MAPKAPK5: variants seen among roughly 807,000 people sequenced by gnomAD.
The protein encoded by MAPKAPK5 is MAPK activated protein kinase 5, also known as MAP kinase-activated protein kinase 5.
In MAPKAPK5, 30 loss-of-function variants were observed where a neutral mutation model predicts 65.1. The observed-to-expected ratio is 0.46, with a 90% CI of 0.34 to 0.63. MAPKAPK5 has a LOEUF of 0.63. Ranked by LOEUF, MAPKAPK5 falls within the 20% of genes least tolerant of loss-of-function variation. The probability of loss-of-function intolerance (pLI) is 0.01; values close to 1 mark genes in which losing one functional copy is unlikely to be tolerated. For missense variants in MAPKAPK5, 433 were observed against 581.4 expected, an observed-to-expected ratio of 0.74 and a Z score of 2.63; for synonymous variants, 179 against 204.6, an observed-to-expected ratio of 0.87 and a Z score of 1.07.
chr12:111,887,844 C>CACACAT (rs2070460845), intron 10 of MAPKAPK5: 1 of 146,398 alleles, frequency 6.8e-6, no homozygotes, highest in African/African-American at 2.5e-5. Context: ...CACACACACA[C>CACACAT]ACACACACAC....
chr12:111,858,647 A>G (rs12423484), intron 1 of MAPKAPK5, among the ~76,000 whole-genome samples: 5,967 of 133,314 alleles, frequency 0.045, 247 homozygotes, highest in East Asian at 0.13. Flanking sequence ...GGGTTCAAGC[A>G]ATTCTCCTGC....
rs80319832 is a variant in MAPKAPK5 at position 111,888,519 on chromosome 12, C to T, written c.1001C>T (p.Ala334Val). ...AVVAGIQQAH[A>V]EQLANMRIQD... ...GTTGCAGGAATCCAGCAGGCTCACG[C>T]GGAACAGTTGGCCAACATGAGAATC... The change falls in exon 11 of 14, where the codon GCG becomes GTG. Residue 334 changes from alanine (A) to valine (V), a missense_variant. Physicochemically the swap from Ala to Val is moderately conservative, Grantham distance 64 (BLOSUM62 0). Coordinates refer to ENST00000550735, the MANE Select transcript of MAPKAPK5 (RefSeq NM_003668.4). 2.9e-5 allele frequency: 46 copies of T among 1,613,964 alleles called. No homozygotes were observed. The highest frequency in any genetic ancestry group is 6.7e-5 in the East Asian group (3 of 44,868).
intron 7 of MAPKAPK5, among the ~76,000 whole-genome samples, chr12:111,876,445 C>T (rs1483151031): frequency 6.6e-6 from 1 of 151,780 alleles, no homozygotes; most frequent in East Asian, 1.9e-4. Context: ...AGCACATGTA[C>T]CCCTGAACCC....
intron 1 of MAPKAPK5, among the ~76,000 whole-genome samples, chr12:111,848,146 A>G (rs957491663): frequency 2.0e-5 from 3 of 152,210 alleles, no homozygotes; most frequent in African/African-American, 7.2e-5. Flanking sequence ...TTAACTTTTT[A>G]AGAAACCACC....
intron 7 of MAPKAPK5, among the ~76,000 whole-genome samples, chr12:111,874,377 T>C (rs933491244): frequency 1.3e-5 from 2 of 150,316 alleles, no homozygotes; most frequent in African/African-American, 2.4e-5. Flanking sequence ...CCTGGGTGAC[T>C]AGAGTGAAAC....
intron 7 of MAPKAPK5, among the ~76,000 whole-genome samples, chr12:111,876,294 A>G (rs902677376): frequency 6.6e-6 from 1 of 152,004 alleles, no homozygotes; most frequent in African/African-American, 2.4e-5. Context: ...AGAAATCCCA[A>G]CAATTTGGGT....
chr12:111,858,133 G>C (rs1350824478), intron 1 of MAPKAPK5, among the ~76,000 whole-genome samples: 1 of 152,106 alleles, frequency 6.6e-6, no homozygotes, highest in Non-Finnish European at 1.5e-5. Flanking sequence ...TTGAACTCCT[G>C]ACTTCAAGTG....
In MAPKAPK5 at chr12:111,847,679, T is replaced by A. The variant is rs181977648; in HGVS notation, c.36+4910T>A. On this transcript the variant is annotated intron_variant, in intron 1 of 13. Transcript: ENST00000550735. ...AGTTCAGTACATTCAGTGTAAATGT[T>A]CAGTAATTTTTAGTAAATTTATAGA... 2.1e-3 allele frequency among the ~76,000 whole-genome samples: 320 copies of A among 152,314 alleles called. 2 individuals are homozygous for A. The highest frequency in any genetic ancestry group is 7.3e-3 in the African/African-American group (305 of 41,560).
At chr12:111,845,194 G>A (rs56411637) in intron 1 of MAPKAPK5, among the ~76,000 whole-genome samples, 2,352 of 151,460 alleles carry the variant, frequency 0.016, 72 homozygotes, top group African/African-American at 0.054. Context: ...GTGTGATCTC[G>A]GCTCACTGCA....
intron 1 of MAPKAPK5, among the ~76,000 whole-genome samples, chr12:111,854,633 G>A (rs1283635464): frequency 6.6e-6 from 1 of 152,194 alleles, no homozygotes; most frequent in Non-Finnish European, 1.5e-5. Flanking sequence ...CCAAAGTTTG[G>A]AATACATTAT....
At chr12:111,865,934 G>A (rs888186156) in intron 2 of MAPKAPK5, among the ~76,000 whole-genome samples, 1 of 150,922 alleles carries the variant, frequency 6.6e-6, no homozygotes, top group African/African-American at 2.4e-5. Flanking sequence ...TTGACCCACA[G>A]CCCCAAAAGC....
Position 111,883,849 on chromosome 12 carries a change from T to G in MAPKAPK5, c.848+81T>G. On this transcript the variant is annotated intron_variant, in intron 9 of 13. Transcript: ENST00000550735. The surrounding 1 kb of genome is among the most constrained non-coding windows in gnomAD (Gnocchi z 4.8). ...ACAAGGGAATGTGGGTAGAGAAAAG[T>G]CACTGGTTTCCTAGGCAGGCTCCTC... The G allele has an allele frequency of 1.4e-6, 2 of 1,417,458 alleles. No individual in the cohort carries two copies. Among genetic ancestry groups the G allele is most frequent in the Non-Finnish European group, 9.5e-7 (1 of 1,053,042 alleles). The allele number at this position is 1,417,458 out of a possible 1,614,324, so 87.8% of individuals were successfully genotyped here. A position where few individuals can be genotyped will look rare whatever the true frequency, so the allele number is the denominator to read the frequency against.
At chr12:111,857,394 A>G (rs969002032) in intron 1 of MAPKAPK5, among the ~76,000 whole-genome samples, 10 of 151,962 alleles carry the variant, frequency 6.6e-5, no homozygotes, top group African/African-American at 2.2e-4. Context: ...GGTGTGTGCC[A>G]CCATGCCTGG....
At position 111,842,395 on chromosome 12, in the gene MAPKAPK5, C is replaced by T. The variant is rs1003517154; in HGVS notation, c.-339C>T. 6 of 201,870 alleles carry T rather than the reference C, an allele frequency of 3.0e-5. No individual in the cohort carries two copies. The highest frequency in any genetic ancestry group is 4.6e-5 in the African/African-American group (2 of 43,142). The allele number at this position is 201,870 out of a possible 1,614,324, so 12.5% of individuals were successfully genotyped here. A position where few individuals can be genotyped will look rare whatever the true frequency, so the allele number is the denominator to read the frequency against. On this transcript the variant is annotated 5_prime_UTR_variant, in exon 1 of 14. Coordinates refer to ENST00000550735, the MANE Select transcript of MAPKAPK5 (RefSeq NM_003668.4). ...AAGCGGCGGCCCCGCGAGGCCCTTG[C>T]ACGGCGCCCCGGGTCGAGGCCCTCC... is the stretch of plus-strand genomic sequence containing the variant.
At chr12:111,889,800 G>A (rs2070544100) in intron 12 of MAPKAPK5, 1 of 408,654 alleles carries the variant, frequency 2.4e-6, no homozygotes, top group African/African-American at 2.0e-5. Flanking sequence ...CCCATCCCCT[G>A]GTGCTAAGAC....
chr12:111,890,179 G>A (rs968307407), intron 13 of MAPKAPK5, 35 bp downstream of exon 13: 2 of 1,405,006 alleles, frequency 1.4e-6, no homozygotes, highest in African/African-American at 2.8e-5. Flanking sequence ...CCCCAGGAAT[G>A]CAGACAAGTG....
rs944985806 is a variant in MAPKAPK5, at chr12:111,888,585, A to G, written c.1067A>G (p.Asn356Ser). 5.0e-6 allele frequency: 8 copies of G among 1,613,890 alleles called. No individual in the cohort carries two copies. ...KVSLKPLHSV[N>S]NPILRKRKLL... ...AGCCTCAAACCCCTGCACTCAGTGA[A>G]CAACCCCATTCTGCGGAAGAGGAAG... Residue 356 changes from asparagine to serine, a missense_variant, in exon 11 of 14, where the codon AAC becomes AGC. Transcript: ENST00000550735.
intron 2 of MAPKAPK5, 130 bp from the exon 3 acceptor site, chr12:111,866,026 G>C: frequency 1.5e-6 from 1 of 670,368 alleles, no homozygotes; most frequent in Non-Finnish European, 2.5e-6. Flanking sequence ...TACCCTTGGG[G>C]GCAAGTTTGT....
At chr12:111,887,894 A>G (rs1251720801) in intron 10 of MAPKAPK5, 1 of 153,382 alleles carries the variant, frequency 6.5e-6, no homozygotes, top group Non-Finnish European at 1.4e-5. Context: ...GGAAAAAAAA[A>G]TACAAAAATG....
Sources: allele counts gnomAD v4.1 joint callset (sites outside exome capture counted in the v4.1 genomes callset), GRCh38; gene constraint gnomAD v4.1.1; non-coding constraint Gnocchi (gnomAD v3.1); transcripts MANE v1.5; gene names NCBI Gene and HGNC (gene_info 2026-07-23, HGNC 2026-07-21).